OSBPL5: variants seen among roughly 807,000 people sequenced by gnomAD.
OSBPL5 encodes oxysterol binding protein like 5, also known as oxysterol-binding protein-related protein 5.
OSBPL5 carries 71 observed loss-of-function variants against 111.2 expected under a neutral mutation model. The ratio of observed to expected loss-of-function variants is 0.64; its 90% CI spans 0.53 to 0.78. OSBPL5 has a LOEUF of 0.78. Among genes scored for constraint, OSBPL5 ranks in the 30% least tolerant of loss-of-function variants. The pLI is 0.00. For synonymous variants in OSBPL5, 549 were observed against 513.9 expected, an observed-to-expected ratio of 1.07 and a Z score of -0.93; for missense variants, 1,210 against 1,189.3, an observed-to-expected ratio of 1.02 and a Z score of -0.26.
chr11:3,103,355 CG>C, intron 10 of OSBPL5, 35 bp from the exon 11 acceptor site: 1 of 1,563,626 alleles, frequency 6.4e-7, no homozygotes, highest in Non-Finnish European at 8.7e-7. Context: ...ACCCCAGCTC[CG>C]GGGGCCGTGG....
rs554361849 is a variant in OSBPL5, at chr11:3,106,530, A to G, written c.1059+733T>C. 2.5e-3 allele frequency among the ~76,000 whole-genome samples: 379 copies of G among 152,080 alleles called. 1 individual carries two copies. The highest frequency in any genetic ancestry group is 4.3e-3 in the Non-Finnish European group (294 of 67,968). ...GAGGCGCCCCACGGTGCCCAGGGCCACGTGAGTTCTCTCCAGCTGCGGGGA... is the reference window on the plus strand; with the variant it reads ...GAGGCGCCCCACGGTGCCCAGGGCCGCGTGAGTTCTCTCCAGCTGCGGGGA... On this transcript the variant is annotated intron_variant, in intron 9 of 21. Transcript: ENST00000263650. This position sits in a 1 kb window ranked among gnomAD's most constrained non-coding sequence, Gnocchi z 8.4.
At chr11:3,143,502 T>C (rs1039292300) in intron 1 of OSBPL5, among the ~76,000 whole-genome samples, 1 of 152,154 alleles carries the variant, frequency 6.6e-6, no homozygotes, top group Non-Finnish European at 1.5e-5. Flanking sequence ...GTGCAACGGA[T>C]GGAAGAACAT....
At chr11:3,129,444 T>C (rs1858750265) in intron 1 of OSBPL5, 1 of 237,000 alleles carries the variant, frequency 4.2e-6, no homozygotes, top group Non-Finnish European at 8.1e-6. Flanking sequence ...CCTCGGAAGA[T>C]GTCCTTCTCA....
At chr11:3,150,445 C>T (rs926035295) in intron 1 of OSBPL5, among the ~76,000 whole-genome samples, 3 of 152,194 alleles carry the variant, frequency 2.0e-5, no homozygotes, top group Non-Finnish European at 2.9e-5. Context: ...TAGGGAGGAG[C>T]CCAGCAGCCC....
At position 3,130,576 on chromosome 11, in the gene OSBPL5, G is replaced by T. The variant is rs1858790795; in HGVS notation, c.-21-1407C>A. Among the ~76,000 whole-genome samples, 1 of 152,200 alleles carries T rather than the reference G, an allele frequency of 6.6e-6. No homozygotes were observed. Among genetic ancestry groups the T allele is most frequent in the South Asian group, 2.1e-4 (1 of 4,834 alleles). On this transcript the variant is annotated intron_variant, in intron 1 of 21. Coordinates refer to ENST00000263650, the MANE Select transcript of OSBPL5 (RefSeq NM_020896.4). The surrounding 1 kb of genome is among the most constrained non-coding windows in gnomAD (Gnocchi z 4.5). ...GGGCTCCAAGGATGCAGCCAGGCTG[G>T]GCCAGCCCCTCCCTCACCTGGCCCC...
At chr11:3,099,974 C>T (rs533169283) in intron 14 of OSBPL5, among the ~76,000 whole-genome samples, 184 bp downstream of exon 14, 24 of 148,306 alleles carry the variant, frequency 1.6e-4, no homozygotes, top group African/African-American at 5.7e-4. Flanking sequence ...GCCAAGATCA[C>T]GCCATTGCAC....
intron 1 of OSBPL5, among the ~76,000 whole-genome samples, chr11:3,149,886 C>T (rs1219692672): frequency 1.3e-5 from 2 of 152,202 alleles, no homozygotes; most frequent in African/African-American, 4.8e-5. Context: ...GGTGGCCTTG[C>T]ATTCCTCTTT....
In OSBPL5 at chr11:3,113,513, G is replaced by A. The variant is rs1214162429; in HGVS notation, c.692-5568C>T. ...CTACTAAAAATACAAAAATTAGCCA[G>A]GTGTGTTGGCAGGCACCTGTAATCC... On this transcript the variant is annotated intron_variant, in intron 7 of 21. Coordinates refer to ENST00000263650, the MANE Select transcript of OSBPL5 (RefSeq NM_020896.4). This position sits in a 1 kb window ranked among gnomAD's most constrained non-coding sequence, Gnocchi z 4.8. Among the ~76,000 whole-genome samples the A allele has an allele frequency of 2.0e-5, 3 of 152,208 alleles. No homozygotes were observed. Among genetic ancestry groups the A allele is most frequent in the Middle Eastern group, 3.4e-3 (1 of 294 alleles).
intron 13 of OSBPL5, among the ~76,000 whole-genome samples, chr11:3,101,344 C>T (rs562184406): frequency 5.3e-4 from 80 of 152,318 alleles, no homozygotes; most frequent in Non-Finnish European, 8.2e-4. Context: ...CCCCAGTCCG[C>T]ACCTTTCCAT....
intron 7 of OSBPL5, among the ~76,000 whole-genome samples, chr11:3,111,337 C>A (rs1177504532): frequency 6.6e-6 from 1 of 152,044 alleles, no homozygotes; most frequent in South Asian, 2.1e-4. Flanking sequence ...TTGCTTCCAA[C>A]AGGGAAGATG....
In OSBPL5 at chr11:3,104,451, C is replaced by G; in HGVS notation, c.1060-74G>C. 3 of 1,537,276 alleles carry G rather than the reference C, an allele frequency of 2.0e-6. No homozygotes were observed. Among genetic ancestry groups the G allele is most frequent in the African/African-American group, 1.4e-5 (1 of 72,904 alleles). On this transcript the variant is annotated intron_variant, in intron 9 of 21. Transcript: ENST00000263650. This position sits in a 1 kb window ranked among gnomAD's most constrained non-coding sequence, Gnocchi z 5.0. ...AAGGGGTGGCGGGACAGTGGCAGCTCTGGCTGGAGGAGGCTGTACCTGCCA... is the reference window on the plus strand; with the variant it reads ...AAGGGGTGGCGGGACAGTGGCAGCTGTGGCTGGAGGAGGCTGTACCTGCCA...
intron 20 of OSBPL5, 72 bp downstream of exon 20, chr11:3,090,486 C>G: frequency 6.4e-7 from 1 of 1,557,108 alleles, no homozygotes; most frequent in Non-Finnish European, 8.7e-7. Context: ...CTCTGGCCTC[C>G]CCTCCAGCCA....
chr11:3,093,418 G>T, intron 17 of OSBPL5, 109 bp downstream of exon 17: 11 of 1,491,468 alleles, frequency 7.4e-6, no homozygotes, highest in Non-Finnish European at 8.1e-6. Context: ...TGCCCTCCCT[G>T]CCAGGGACAT....
At chr11:3,119,157 C>T (rs1858312622) in intron 7 of OSBPL5, among the ~76,000 whole-genome samples, 1 of 152,044 alleles carries the variant, frequency 6.6e-6, no homozygotes, top group Non-Finnish European at 1.5e-5. Flanking sequence ...TTACAGGCGC[C>T]TGCCACCACG....
intron 1 of OSBPL5, among the ~76,000 whole-genome samples, chr11:3,157,891 G>C (rs954360709): frequency 6.6e-6 from 1 of 152,214 alleles, no homozygotes; most frequent in African/African-American, 2.4e-5. Flanking sequence ...TGACATCCTC[G>C]ACCACGGCAG....
intron 1 of OSBPL5, among the ~76,000 whole-genome samples, chr11:3,138,429 G>A (rs1466567867): frequency 1.3e-5 from 2 of 152,244 alleles, no homozygotes; most frequent in African/African-American, 2.4e-5. Flanking sequence ...GGGGTCAGCC[G>A]GGGAGGGAGG....
In OSBPL5 at chr11:3,103,236, C is replaced by T. The variant is rs761849027; in HGVS notation, c.1326+3G>A. The T allele has an allele frequency of 7.5e-6, 12 of 1,597,106 alleles. No homozygotes were observed. Among genetic ancestry groups the T allele is most frequent in the African/African-American group, 1.3e-5 (1 of 74,542 alleles). On this transcript the variant is annotated splice_donor_region_variant and intron_variant, in intron 11 of 21. Transcript: ENST00000263650. ...CCACCCTCCCTGGCTGGCAGGGGCT[C>T]ACCTTGGGCTTCTTGTAGAAGCCAG...
chr11:3,129,318 G>A, intron 1 of OSBPL5, 149 bp from the exon 2 acceptor site: 1 of 719,910 alleles, frequency 1.4e-6, no homozygotes, highest in Non-Finnish European at 2.0e-6. Context: ...GGAGCCTGGT[G>A]GTGGGTGGTC....
rs894763043 is a variant in OSBPL5, at chr11:3,105,784, C to G, written c.1060-1407G>C. Among the ~76,000 whole-genome samples the G allele has an allele frequency of 2.6e-5, 4 of 152,180 alleles. No homozygotes were observed. Among genetic ancestry groups the G allele is most frequent in the African/African-American group, 9.7e-5 (4 of 41,436 alleles). On this transcript the variant is annotated intron_variant, in intron 9 of 21. Coordinates refer to ENST00000263650, the MANE Select transcript of OSBPL5 (RefSeq NM_020896.4). This position sits in a 1 kb window ranked among gnomAD's most constrained non-coding sequence, Gnocchi z 5.2. ...TTGGCTGCCCGCTCCATGCCCTCTG[C>G]CCGGAGCCCCAGGCTCGCACCTGCA...
Sources: allele counts gnomAD v4.1 joint callset (sites outside exome capture counted in the v4.1 genomes callset), GRCh38; gene constraint gnomAD v4.1.1; non-coding constraint Gnocchi (gnomAD v3.1); transcripts MANE v1.5; gene names NCBI Gene and HGNC (gene_info 2026-07-23, HGNC 2026-07-21).